KLHL20: variants seen among roughly 807,000 people sequenced by gnomAD.
KLHL20 encodes kelch like family member 20, also known as kelch-like protein 20.
Under a neutral mutation model 69.5 loss-of-function variants are expected in KLHL20, and 29 were observed. The observed-to-expected ratio is 0.42, with a 90% CI of 0.31 to 0.57. The LOEUF (loss-of-function observed/expected upper bound fraction) is 0.57. KLHL20 is among the 20% of genes least tolerant of loss of function. KLHL20 has a pLI of 0.18. For missense variants in KLHL20, 419 were observed against 776.0 expected (o/e 0.54, Z 5.47); for synonymous variants, 253 against 265.2 (o/e 0.95, Z 0.45).
intron 3 of KLHL20, 62 bp downstream of exon 3, chr1:173,734,348 T>C: frequency 7.3e-7 from 1 of 1,368,622 alleles, no homozygotes. Flanking sequence ...GTTCACATTC[T>C]GCTAAATAAC....
At chr1:173,729,015 T>C (rs1379085961) in intron 2 of KLHL20, among the ~76,000 whole-genome samples, 3 of 151,986 alleles carry the variant, frequency 2.0e-5, no homozygotes, top group Non-Finnish European at 4.4e-5. Context: ...AAGAATCAAA[T>C]AGACGCAATA....
intron 2 of KLHL20, 129 bp from the exon 3 acceptor site, chr1:173,733,583 AC>A: frequency 5.0e-6 from 4 of 804,230 alleles, no homozygotes; most frequent in Non-Finnish European, 7.7e-6. Context: ...CATCATCTCT[AC>A]AAAAAATTTA....
At chr1:173,783,276 T>G (rs1648986238) in intron 11 of KLHL20, among the ~76,000 whole-genome samples, 1 of 152,208 alleles carries the variant, frequency 6.6e-6, no homozygotes, top group South Asian at 2.1e-4. Flanking sequence ...GCTGGACATG[T>G]GAGCTGAGGC....
intron 8 of KLHL20, 140 bp from the exon 9 acceptor site, chr1:173,774,165 A>G (rs1022803447): frequency 2.1e-6 from 2 of 965,148 alleles, no homozygotes; most frequent in African/African-American, 3.3e-5. Flanking sequence ...TCTAATGACT[A>G]AGTAAAATGT....
chr1:173,740,899 G>A (rs1672778581), intron 3 of KLHL20, among the ~76,000 whole-genome samples: 1 of 152,060 alleles, frequency 6.6e-6, no homozygotes, highest in Non-Finnish European at 1.5e-5. Flanking sequence ...TCTTTCTATG[G>A]CCCTTCCCCA....
At chr1:173,744,217 T>C (rs767905698) in intron 3 of KLHL20, among the ~76,000 whole-genome samples, 18 of 152,184 alleles carry the variant, frequency 1.2e-4, no homozygotes, top group Admixed American at 9.8e-4. Context: ...TTCAGTATCA[T>C]TTTAATGTAT....
At chr1:173,777,408 CTTTT>C (rs1175727874) in intron 10 of KLHL20, among the ~76,000 whole-genome samples, 2 of 152,076 alleles carry the variant, frequency 1.3e-5, no homozygotes, top group Non-Finnish European at 2.9e-5. Flanking sequence ...TTCTTTCTTT[CTTTT>C]GTCCCATTGC....
chr1:173,785,872 G>T lies in KLHL20; in HGVS notation c.*625G>T, dbSNP rs1026630351. On this transcript the variant is annotated 3_prime_UTR_variant, in exon 12 of 12. Transcript: ENST00000209884. Reference sequence around the variant, plus strand: ...ACAGTTTTCATCAGTGTAATTTTATGTCTTGTTTCTTTCTATATGAACTTG... The same window carrying T: ...ACAGTTTTCATCAGTGTAATTTTATTTCTTGTTTCTTTCTATATGAACTTG... The T allele has an allele frequency of 2.6e-5, 4 of 151,994 alleles. No homozygotes were observed. The highest frequency in any genetic ancestry group is 5.9e-5 in the Non-Finnish European group (4 of 67,960). 9.4% of individuals were successfully genotyped at this position (151,994 alleles called of 1,614,324 possible). A position where few individuals can be genotyped will look rare whatever the true frequency, so the allele number is the denominator to read the frequency against.
chr1:173,715,972 T>C, intron 1 of KLHL20, 31 bp from the exon 2 acceptor site: 1 of 1,453,218 alleles, frequency 6.9e-7, no homozygotes, highest in Non-Finnish European at 9.6e-7. Context: ...GAAATAGCTT[T>C]TATTAAGTTC....
At chr1:173,726,598 C>T (rs558290525) in intron 2 of KLHL20, among the ~76,000 whole-genome samples, 23 of 152,270 alleles carry the variant, frequency 1.5e-4, no homozygotes, top group South Asian at 1.2e-3. Flanking sequence ...CACCAATATC[C>T]GCTGTTCTGC....
intron 2 of KLHL20, among the ~76,000 whole-genome samples, chr1:173,731,369 A>G (rs1672266777): frequency 6.6e-6 from 1 of 152,210 alleles, no homozygotes; most frequent in African/African-American, 2.4e-5. Context: ...AATACTGGGT[A>G]TATACCCAAA....
chr1:173,770,655 G>C (rs1648026787), intron 8 of KLHL20, among the ~76,000 whole-genome samples: 1 of 150,240 alleles, frequency 6.7e-6, no homozygotes, highest in Admixed American at 6.6e-5. Context: ...GCTCCACCCT[G>C]GGCATCAAGA....
intron 2 of KLHL20, among the ~76,000 whole-genome samples, chr1:173,730,406 T>G: frequency 6.6e-6 from 1 of 151,124 alleles, no homozygotes; most frequent in South Asian, 2.1e-4. Context: ...GAGCCCGCAT[T>G]GCCAAGTCAA....
chr1:173,726,999 A>G (rs1672002260), intron 2 of KLHL20, among the ~76,000 whole-genome samples: 1 of 152,204 alleles, frequency 6.6e-6, no homozygotes, highest in South Asian at 2.1e-4. Context: ...AAAAACCTTG[A>G]AAAAAGATTA....
intron 7 of KLHL20, among the ~76,000 whole-genome samples, chr1:173,759,274 C>G (rs1340652569): frequency 6.6e-6 from 1 of 152,104 alleles, no homozygotes; most frequent in East Asian, 1.9e-4. Flanking sequence ...ATCCTGCCCC[C>G]ACCTGATGGT....
rs1278045644 is a variant in KLHL20 at position 173,786,055 on chromosome 1, G to A, written c.*808G>A. On this transcript the variant is annotated 3_prime_UTR_variant, in exon 12 of 12. Coordinates refer to ENST00000209884, the MANE Select transcript of KLHL20 (RefSeq NM_014458.4). ...TCTGCAACAGTTTTTGCTCAAAAAT[G>A]TTACTGACTAAAGCAACTGTCCTTC... 6.6e-6 allele frequency: 1 copy of A among 152,182 alleles called. No individual in the cohort carries two copies. The highest frequency in any genetic ancestry group is 1.5e-5 in the Non-Finnish European group (1 of 68,018). The allele number at this position is 152,182 out of a possible 1,614,324, so 9.4% of individuals were successfully genotyped here.
intron 11 of KLHL20, among the ~76,000 whole-genome samples, chr1:173,783,973 G>A (rs1649046062): frequency 1.3e-5 from 2 of 152,114 alleles, no homozygotes; most frequent in African/African-American, 4.8e-5. Context: ...CAGCTACTAG[G>A]GAGGCTGAGG....
intron 2 of KLHL20, among the ~76,000 whole-genome samples, chr1:173,721,091 G>A (rs1040883264): frequency 2.0e-5 from 3 of 152,170 alleles, no homozygotes; most frequent in Non-Finnish European, 2.9e-5. Context: ...GGGTGTTTAC[G>A]ATGGGGCCTA....
At chr1:173,776,377 T>G (rs573940928) in intron 10 of KLHL20, among the ~76,000 whole-genome samples, 3 of 152,322 alleles carry the variant, frequency 2.0e-5, no homozygotes, top group African/African-American at 7.2e-5. Context: ...GGGTTGTCTC[T>G]TCACTTTGTT....
Sources: allele counts gnomAD v4.1 joint callset (sites outside exome capture counted in the v4.1 genomes callset), GRCh38; gene constraint gnomAD v4.1.1; transcripts MANE v1.5; gene names NCBI Gene and HGNC (gene_info 2026-07-23, HGNC 2026-07-21).